Variants in NDUFAF5 observed in about 807,000 individuals in gnomAD.
NDUFAF5 encodes the protein NADH:ubiquinone oxidoreductase complex assembly factor 5, also known as arginine-hydroxylase NDUFAF5, mitochondrial.
NDUFAF5 carries 34 observed loss-of-function variants against 48.9 expected under a neutral mutation model. The observed-to-expected ratio is 0.70, with a 90% CI of 0.53 to 0.93. The LOEUF (loss-of-function observed/expected upper bound fraction) is 0.93, where lower values mean the gene tolerates loss of function less well. NDUFAF5 is among the 40% of genes least tolerant of loss of function. The probability of loss-of-function intolerance (pLI) is 0.00; values close to 1 mark genes in which losing one functional copy is unlikely to be tolerated. For missense variants in NDUFAF5, 428 were observed against 427.5 expected, an observed-to-expected ratio of 1.00 and a Z score of -0.01; for synonymous variants, 153 against 150.6, an observed-to-expected ratio of 1.02 and a Z score of -0.12.
chr20:13,820,348 A>T lies in NDUFAF5; in HGVS notation c.*3138A>T, dbSNP rs889631498. 1 of 152,110 alleles carries T rather than the reference A, an allele frequency of 6.6e-6. No homozygotes were observed. The highest frequency in any genetic ancestry group is 1.5e-5 in the Non-Finnish European group (1 of 68,014). The allele number at this position is 152,110 out of a possible 1,614,324, so 9.4% of individuals were successfully genotyped here. Reference sequence around the variant, plus strand: ...TATTTTTTCAAACTCTTTTAGTACCATTTTCATCCACTAGGTGGAAGCAAT... The same window carrying T: ...TATTTTTTCAAACTCTTTTAGTACCTTTTTCATCCACTAGGTGGAAGCAAT... On this transcript the variant is annotated 3_prime_UTR_variant, in exon 11 of 11. Transcript: ENST00000378106.
chr20:13,804,611 A>C (rs1241994799), intron 7 of NDUFAF5, among the ~76,000 whole-genome samples: 2 of 152,162 alleles, frequency 1.3e-5, no homozygotes, highest in Admixed American at 6.5e-5. Context: ...CCACAGTTTT[A>C]CTTAACTATT....
chr20:13,785,871 T>C (rs1433509323), intron 1 of NDUFAF5, among the ~76,000 whole-genome samples: 2 of 152,246 alleles, frequency 1.3e-5, no homozygotes, highest in Non-Finnish European at 2.9e-5. Flanking sequence ...AATTTTTCAA[T>C]TAAAATTTCT....
Position 13,816,874 on chromosome 20 carries a change from G to T in NDUFAF5, c.863-1G>T. Reference sequence around the variant, plus strand: ...GACTTTAACCATTATTGTCTTTTTAGAAATGTACAGAAATGAAGATGGTTC... The same window carrying T: ...GACTTTAACCATTATTGTCTTTTTATAAATGTACAGAAATGAAGATGGTTC... On this transcript the variant is annotated splice_acceptor_variant, in intron 9 of 10. Transcript: ENST00000378106. LOFTEE classifies it high-confidence loss of function. 6.3e-7 allele frequency: 1 copy of T among 1,599,194 alleles called. No homozygotes were observed. Among genetic ancestry groups the T allele is most frequent in the Non-Finnish European group, 8.6e-7 (1 of 1,166,722 alleles).
In NDUFAF5 at chr20:13,806,995, C is replaced by A. The variant is rs781046314; in HGVS notation, c.718-1847C>A. Among the ~76,000 whole-genome samples, 46 of 152,068 alleles carry A rather than the reference C, an allele frequency of 3.0e-4. 1 individual carries two copies. The highest frequency in any genetic ancestry group is 2.1e-3 in the Admixed American group (32 of 15,272). ...CTCCCAGGTTCAAGGGATTCTCATG[C>A]CTCTGCCTCCCAAATAGCTGGGACC... On this transcript the variant is annotated intron_variant, in intron 7 of 10. Transcript: ENST00000378106.
intron 8 of NDUFAF5, among the ~76,000 whole-genome samples, chr20:13,810,719 G>T (rs1412288593): frequency 1.3e-5 from 2 of 151,932 alleles, no homozygotes; most frequent in Non-Finnish European, 2.9e-5. Flanking sequence ...AATTGATGAT[G>T]ACAGGTGTCT....
intron 5 of NDUFAF5, among the ~76,000 whole-genome samples, chr20:13,795,873 TTA>T (rs1665351289): frequency 6.6e-6 from 1 of 152,164 alleles, no homozygotes; most frequent in African/African-American, 2.4e-5. Flanking sequence ...TCTTTTCCCT[TTA>T]TGTTTTCTAC....
intron 8 of NDUFAF5, chr20:13,814,135 G>T (rs1986193640): frequency 1.2e-5 from 3 of 259,768 alleles, no homozygotes; most frequent in South Asian, 4.2e-5. Flanking sequence ...TGTAATTAGT[G>T]AGTGGTAGAG....
rs769397731 is a variant in NDUFAF5 at position 13,785,115 on chromosome 20, C to T, written c.47C>T (p.Ala16Val). ...TGGCGCTTATGTCGGCGACCTTGGG[C>T]GGCGAGGGTCCCAGCGGAGAATCTT... ...GLWRLCRRPW[A>V]ARVPAENLGR... Residue 16 changes from alanine to valine, a missense_variant, in exon 1 of 11, where the codon GCG (alanine) becomes GTG (valine). Physicochemically the swap from Ala to Val is moderately conservative, Grantham distance 64 (BLOSUM62 0). Coordinates refer to ENST00000378106, the MANE Select transcript of NDUFAF5 (RefSeq NM_024120.5). 3 of 1,613,630 alleles carry T rather than the reference C, an allele frequency of 1.9e-6. No individual in the cohort carries two copies. The highest frequency in any genetic ancestry group is 2.5e-6 in the Non-Finnish European group (3 of 1,179,946).
chr20:13,801,518 T>C lies in NDUFAF5; in HGVS notation c.552T>C (p.Phe184=), dbSNP rs374945134. Residue 184 remains phenylalanine, a synonymous_variant, in exon 7 of 11, where the codon TTT becomes TTC. Coordinates refer to ENST00000378106, the MANE Select transcript of NDUFAF5 (RefSeq NM_024120.5). The part of the protein sequence containing the change: ...IHYILKPDGV[F]IGAMFGGDTL... ...ATATTTTAAAACCAGATGGAGTGTT[T>C]ATCGGTGCAATGTTTGGAGGCGACA... The C allele has an allele frequency of 3.1e-6, 5 of 1,613,672 alleles. No individual in the cohort carries two copies. The African/African-American group carries it at 6.7e-5, about 22-fold the overall frequency.
At chr20:13,793,627 A>G (rs1457762044) in intron 4 of NDUFAF5, among the ~76,000 whole-genome samples, 1 of 152,196 alleles carries the variant, frequency 6.6e-6, no homozygotes, top group Non-Finnish European at 1.5e-5. Context: ...TAGTTTATTT[A>G]GCTAAACTTT....
intron 5 of NDUFAF5, among the ~76,000 whole-genome samples, chr20:13,795,547 A>T (rs6033823): frequency 6.6e-5 from 10 of 152,066 alleles, no homozygotes; most frequent in African/African-American, 1.9e-4. Context: ...GGCCAGGTAC[A>T]GTGGCTCTCA....
At chr20:13,794,506 C>G (rs761745636) in intron 4 of NDUFAF5, among the ~76,000 whole-genome samples, 6 of 152,216 alleles carry the variant, frequency 3.9e-5, no homozygotes, top group Non-Finnish European at 7.3e-5. Flanking sequence ...TCTCGAACTC[C>G]TGACTTTCAG....
chr20:13,816,674 C>G (rs923145289), intron 9 of NDUFAF5, 128 bp downstream of exon 9: 1 of 829,282 alleles, frequency 1.2e-6, no homozygotes. Flanking sequence ...TCCTTCCTCT[C>G]AAAACACAGA....
At chr20:13,800,302 G>A (rs1983924924) in intron 6 of NDUFAF5, among the ~76,000 whole-genome samples, 1 of 152,174 alleles carries the variant, frequency 6.6e-6, no homozygotes, top group South Asian at 2.1e-4. Flanking sequence ...GTGAAGAAGG[G>A]AAGGAACCAA....
At chr20:13,809,337 A>T (rs1985530001) in intron 8 of NDUFAF5, among the ~76,000 whole-genome samples, 1 of 152,214 alleles carries the variant, frequency 6.6e-6, no homozygotes. Flanking sequence ...GAAATGTCCC[A>T]GTCTGGGAGA....
chr20:13,817,102 T>C lies in NDUFAF5; in HGVS notation c.946-16T>C, dbSNP rs1986563106. On this transcript the variant is annotated splice_polypyrimidine_tract_variant and intron_variant, in intron 10 of 10. Coordinates refer to ENST00000378106, the MANE Select transcript of NDUFAF5 (RefSeq NM_024120.5). ...ATCTATCTATTTCTAATATCTTTAA[T>C]CTTTATTATTTTCAGGCAAGACCAG... is the stretch of plus-strand genomic sequence containing the variant. 6.2e-7 allele frequency: 1 copy of C among 1,609,938 alleles called. No individual in the cohort carries two copies. The highest frequency in any genetic ancestry group is 2.2e-5 in the East Asian group (1 of 44,826).
At chr20:13,791,639 T>G (rs886857921) in intron 3 of NDUFAF5, among the ~76,000 whole-genome samples, 4 of 152,192 alleles carry the variant, frequency 2.6e-5, no homozygotes, top group Non-Finnish European at 2.9e-5. Flanking sequence ...TGAAGCCAGT[T>G]TAAACACAGA....
chr20:13,800,714 A>T (rs1173261303), intron 6 of NDUFAF5, among the ~76,000 whole-genome samples: 1 of 152,224 alleles, frequency 6.6e-6, no homozygotes, highest in Non-Finnish European at 1.5e-5. Context: ...TTGATGGCTT[A>T]AAACAACAAC....
chr20:13,812,804 T>A (rs1444552073), intron 8 of NDUFAF5, among the ~76,000 whole-genome samples: 1 of 152,264 alleles, frequency 6.6e-6, no homozygotes, highest in Admixed American at 6.5e-5. Flanking sequence ...GGTTAACATG[T>A]ATATTCAGCG....
Sources: allele counts gnomAD v4.1 joint callset (sites outside exome capture counted in the v4.1 genomes callset), GRCh38; gene constraint gnomAD v4.1.1; transcripts MANE v1.5; gene names NCBI Gene and HGNC (gene_info 2026-07-23, HGNC 2026-07-21).